ACOX3: variants seen among roughly 807,000 people sequenced by gnomAD.
The protein encoded by ACOX3 is peroxisomal acyl-coenzyme A oxidase 3.
Under a neutral mutation model 81.5 loss-of-function variants are expected in ACOX3, and 73 were observed. The observed-to-expected ratio is 0.90, with a 90% CI of 0.74 to 1.09. The LOEUF is 1.09. ACOX3 is among the 50% of genes least tolerant of loss of function. The pLI is 0.00. For synonymous variants in ACOX3, 387 were observed against 375.1 expected, an observed-to-expected ratio of 1.03 and a Z score of -0.37; for missense variants, 947 against 928.0, an observed-to-expected ratio of 1.02 and a Z score of -0.27.
intron 1 of ACOX3, chr4:8,439,139 C>T (rs1724433440): frequency 6.6e-6 from 1 of 152,174 alleles, no homozygotes; most frequent in African/African-American, 2.4e-5. Context: ...CAGGTAAGGA[C>T]CTCTTTTGTC....
chr4:8,380,372 G>C lies in ACOX3; in HGVS notation c.1653+1120C>G, dbSNP rs115529022. On this transcript the variant is annotated intron_variant, in intron 14 of 17. Transcript: ENST00000356406. Reference sequence around the variant, plus strand: ...GCCTGGCCAATTTTTTGTATTTTTAGGATACACCAGGTTTCACTGTATTAG... The same window carrying C: ...GCCTGGCCAATTTTTTGTATTTTTACGATACACCAGGTTTCACTGTATTAG... 3.0e-3 allele frequency among the ~76,000 whole-genome samples: 462 copies of C among 152,020 alleles called. 2 individuals are homozygous for C. The highest frequency in any genetic ancestry group is 0.011 in the African/African-American group (451 of 41,438).
rs190336348 is a variant in ACOX3 at position 8,419,417 on chromosome 4, G to C, written c.-14-2882C>G. 3.9e-3 allele frequency among the ~76,000 whole-genome samples: 584 copies of C among 151,016 alleles called. 4 individuals are homozygous for C. Among genetic ancestry groups the C allele is most frequent in the African/African-American group, 0.014 (568 of 40,912 alleles). On this transcript the variant is annotated intron_variant, in intron 1 of 17. Coordinates refer to ENST00000356406, the MANE Select transcript of ACOX3 (RefSeq NM_003501.3). This position sits in a 1 kb window ranked among gnomAD's most constrained non-coding sequence, Gnocchi z 4.2. ...CCACTGCACTCCAGCCTGGGTGACAGAGTGAAACTCTGTCTCAAAAAAAAA... is the reference window on the plus strand; with the variant it reads ...CCACTGCACTCCAGCCTGGGTGACACAGTGAAACTCTGTCTCAAAAAAAAA...
chr4:8,405,814 G>C lies in ACOX3; in HGVS notation c.776+141C>G. Reference sequence around the variant, plus strand: ...GGACGTGGCCAGTGCATGCACGGGGGCTAGGCGTAGGTCCCCACCGCATTT... The same window carrying C: ...GGACGTGGCCAGTGCATGCACGGGGCCTAGGCGTAGGTCCCCACCGCATTT... On this transcript the variant is annotated intron_variant, in intron 7 of 17. Transcript: ENST00000356406. The surrounding 1 kb of genome is among the most constrained non-coding windows in gnomAD (Gnocchi z 7.1). 1 of 843,622 alleles carries C rather than the reference G, an allele frequency of 1.2e-6. No individual in the cohort carries two copies. The highest frequency in any genetic ancestry group is 2.4e-5 in the East Asian group (1 of 41,236). 52.3% of individuals were successfully genotyped at this position (843,622 alleles called of 1,614,324 possible).
At chr4:8,404,339 C>G (rs938273598) in intron 7 of ACOX3, among the ~76,000 whole-genome samples, 2 of 152,134 alleles carry the variant, frequency 1.3e-5, no homozygotes, top group Admixed American at 6.5e-5. Context: ...CATTAACTAG[C>G]AGGTTCCTTG....
At chr4:8,391,495 C>T (rs1718996980) in intron 11 of ACOX3, among the ~76,000 whole-genome samples, 5 of 152,186 alleles carry the variant, frequency 3.3e-5, no homozygotes, top group Admixed American at 3.3e-4. Context: ...TTTGAGCAAC[C>T]AGTTTTTGCC....
At chr4:8,371,796 G>A (rs923468592) in intron 16 of ACOX3, among the ~76,000 whole-genome samples, 1 of 152,278 alleles carries the variant, frequency 6.6e-6, no homozygotes, top group African/African-American at 2.4e-5. Context: ...TCTCGGCAGA[G>A]CACAGGCGCT....
At position 8,431,949 on chromosome 4, in the gene ACOX3, C is replaced by T. The variant is rs1471025652; in HGVS notation, c.-15+8699G>A. Among the ~76,000 whole-genome samples the T allele has an allele frequency of 1.3e-5, 2 of 152,236 alleles. No homozygotes were observed. Among genetic ancestry groups the T allele is most frequent in the Admixed American group, 1.3e-4 (2 of 15,282 alleles). On this transcript the variant is annotated intron_variant, in intron 1 of 17. Transcript: ENST00000356406. This position sits in a 1 kb window ranked among gnomAD's most constrained non-coding sequence, Gnocchi z 5.3. ...TTATCCCTTCTGTCTTTCCCACCAC[C>T]ACCTCCTTGGCTGGTTCTGCATTCC...
At chr4:8,411,239 C>G (rs934384316) in intron 5 of ACOX3, among the ~76,000 whole-genome samples, 2 of 152,218 alleles carry the variant, frequency 1.3e-5, no homozygotes, top group South Asian at 2.1e-4. Context: ...ATCCTCCACG[C>G]GGAGCTTGCC....
intron 6 of ACOX3, among the ~76,000 whole-genome samples, chr4:8,408,895 G>T (rs910685957): frequency 3.9e-4 from 22 of 55,932 alleles, no homozygotes; most frequent in African/African-American, 1.0e-3. Flanking sequence ...CCTCACTGGG[G>T]GGGGGGGGTG....
intron 6 of ACOX3, among the ~76,000 whole-genome samples, chr4:8,409,041 G>C (rs763198286): frequency 1.3e-5 from 2 of 152,180 alleles, no homozygotes; most frequent in Non-Finnish European, 2.9e-5. Flanking sequence ...TCTAATGTCA[G>C]AAGCGTTGTG....
rs766497687 is a variant in ACOX3, at chr4:8,400,044, C to T, written c.777-392G>A. The stretch of plus-strand genomic sequence containing the variant: ...GGTGGATCACCTCAGGTCAGGAGTT[C>T]GAAACCAGCCTGACCAATATGGTGA... On this transcript the variant is annotated intron_variant, in intron 7 of 17. Transcript: ENST00000356406. This position sits in a 1 kb window ranked among gnomAD's most constrained non-coding sequence, Gnocchi z 4.4. 2.0e-5 allele frequency among the ~76,000 whole-genome samples: 3 copies of T among 151,982 alleles called. No individual in the cohort carries two copies. Among genetic ancestry groups the T allele is most frequent in the Admixed American group, 6.5e-5 (1 of 15,268 alleles).
intron 17 of ACOX3, among the ~76,000 whole-genome samples, chr4:8,369,111 T>G (rs1715834765): frequency 6.6e-6 from 1 of 152,124 alleles, no homozygotes; most frequent in Non-Finnish European, 1.5e-5. Context: ...GTTCCCTGCC[T>G]CAGAGACGGG....
intron 5 of ACOX3, among the ~76,000 whole-genome samples, chr4:8,412,031 C>T (rs78529699): frequency 0.014 from 2,186 of 152,292 alleles, 62 homozygotes; most frequent in African/African-American, 0.05. Flanking sequence ...CCTCTGATGC[C>T]CCACCCCAAG....
chr4:8,363,356 A>C (rs1407203945), downstream of ACOX3, among the ~76,000 whole-genome samples: 1 of 152,232 alleles, frequency 6.6e-6, no homozygotes, highest in Admixed American at 6.5e-5. Flanking sequence ...TTAAACACTT[A>C]ATAATCTTTC....
rs377472700 is a variant in ACOX3, at chr4:8,400,472, G to A, written c.777-820C>T. ...ACTCTTCAGTCAAACAAAATAACTG[G>A]TGTGATGGCATTGGTGCTCCCTCGG... is the stretch of plus-strand genomic sequence containing the variant. On this transcript the variant is annotated intron_variant, in intron 7 of 17. Coordinates refer to ENST00000356406, the MANE Select transcript of ACOX3 (RefSeq NM_003501.3). This position sits in a 1 kb window ranked among gnomAD's most constrained non-coding sequence, Gnocchi z 4.4. Among the ~76,000 whole-genome samples the A allele has an allele frequency of 1.2e-4, 19 of 152,248 alleles. No individual in the cohort carries two copies. The East Asian group carries it at 1.9e-3, about 15-fold the overall frequency.
chr4:8,433,258 C>T (rs1724049045), intron 1 of ACOX3, among the ~76,000 whole-genome samples: 1 of 152,234 alleles, frequency 6.6e-6, no homozygotes, highest in South Asian at 2.1e-4. Context: ...AGCAGTTATT[C>T]ACTATGAGAT....
At chr4:8,388,498 T>A (rs1003891415) in intron 13 of ACOX3, among the ~76,000 whole-genome samples, 4 of 152,252 alleles carry the variant, frequency 2.6e-5, no homozygotes, top group Non-Finnish European at 2.9e-5. Context: ...TTGCTTTCGA[T>A]GCTGCCAGCA....
At chr4:8,433,352 C>T (rs557779010) in intron 1 of ACOX3, among the ~76,000 whole-genome samples, 1 of 152,360 alleles carries the variant, frequency 6.6e-6, no homozygotes, top group South Asian at 2.1e-4. Flanking sequence ...AACAAGAACA[C>T]CACGTAACCA....
intron 7 of ACOX3, among the ~76,000 whole-genome samples, chr4:8,401,936 C>T (rs886181760): frequency 6.6e-6 from 1 of 152,214 alleles, no homozygotes; most frequent in African/African-American, 2.4e-5. Context: ...CCTCAACCAT[C>T]AACGTTCCTG....
Sources: allele counts gnomAD v4.1 joint callset (sites outside exome capture counted in the v4.1 genomes callset), GRCh38; gene constraint gnomAD v4.1.1; non-coding constraint Gnocchi (gnomAD v3.1); transcripts MANE v1.5; gene names NCBI Gene and HGNC (gene_info 2026-07-23, HGNC 2026-07-21).